UTRN: variants seen among roughly 807,000 people sequenced by gnomAD.
UTRN encodes the protein utrophin, also known as dystrophin-related protein 1.
UTRN carries 283 observed loss-of-function variants against 463.9 expected under a neutral mutation model. The ratio of observed to expected loss-of-function variants is 0.61; its 90% CI spans 0.55 to 0.67. UTRN has a LOEUF of 0.67. UTRN is among the 30% of genes least tolerant of loss of function. UTRN has a pLI of 0.00. For synonymous variants in UTRN, 1,442 were observed against 1,431.5 expected (o/e 1.01, Z -0.17); for missense variants, 3,922 against 4,084.3 (o/e 0.96, Z 1.08).
chr6:144,446,793 A>G (rs971841947), intron 14 of UTRN, among the ~76,000 whole-genome samples: 1 of 152,202 alleles, frequency 6.6e-6, no homozygotes, highest in African/African-American at 2.4e-5. Flanking sequence ...TAACTATCCA[A>G]GTGATCTGGG....
chr6:144,527,394 G>T (rs138517674), intron 41 of UTRN, among the ~76,000 whole-genome samples: 1 of 152,076 alleles, frequency 6.6e-6, no homozygotes, highest in Non-Finnish European at 1.5e-5. Flanking sequence ...TTCTTTATAG[G>T]TTACCTGATG....
chr6:144,782,000 T>A lies in UTRN; in HGVS notation c.8711T>A (p.Val2904Asp). Residue 2904 changes from valine (V) to aspartate (D), a missense_variant, in exon 61 of 75, where the codon GTT (valine) becomes GAT (aspartate). Physicochemically the swap from Val to Asp is radical, Grantham distance 152. Coordinates refer to ENST00000367545, the MANE Select transcript of UTRN (RefSeq NM_007124.3). ...KLNQNDQLLS[V>D]PDVINCLTTT... ...AACCAAAATGACCAGCTCCTCAGTG[T>A]TCCAGATGTCATCAACTGTCTGACA... The A allele has an allele frequency of 6.2e-7, 1 of 1,614,070 alleles. No homozygotes were observed. The highest frequency in any genetic ancestry group is 8.5e-7 in the Non-Finnish European group (1 of 1,179,978).
chr6:144,836,604 G>A (rs1218958278), intron 71 of UTRN, 63 bp downstream of exon 71: 2 of 1,592,504 alleles, frequency 1.3e-6, no homozygotes, highest in African/African-American at 1.3e-5. Flanking sequence ...CCTGGGAGAT[G>A]ATGGTCCAGG....
Position 144,537,730 on chromosome 6 carries a change from T to G in UTRN, c.6369+13T>G. ...GCAAGAATTAAGAGTAAGTTGTTTA[T>G]TTCTGTCTATATGCCTTTTGGTGCC... On this transcript the variant is annotated intron_variant, in intron 44 of 74. Coordinates refer to ENST00000367545, the MANE Select transcript of UTRN (RefSeq NM_007124.3). The G allele has an allele frequency of 1.2e-6, 2 of 1,606,430 alleles. No homozygotes were observed. The highest frequency in any genetic ancestry group is 1.7e-6 in the Non-Finnish European group (2 of 1,176,818).
chr6:144,564,261 T>C (rs56158631), intron 50 of UTRN, among the ~76,000 whole-genome samples: 21,134 of 152,170 alleles, frequency 0.14, 1,778 homozygotes, highest in Middle Eastern at 0.25. Flanking sequence ...GGGACTTAAC[T>C]GAGGCAAATT....
chr6:144,369,740 G>T (rs1779816052), intron 2 of UTRN, among the ~76,000 whole-genome samples: 1 of 152,354 alleles, frequency 6.6e-6, no homozygotes, highest in East Asian at 1.9e-4. Flanking sequence ...CCCACATGTT[G>T]TGGGAGGAAA....
chr6:144,728,223 C>A (rs1788115660), intron 53 of UTRN, among the ~76,000 whole-genome samples: 1 of 150,732 alleles, frequency 6.6e-6, no homozygotes, highest in African/African-American at 2.4e-5. Context: ...TGCTGGTTTT[C>A]ACTATTTTTT....
At chr6:144,515,262 C>T (rs529346076) in intron 37 of UTRN, among the ~76,000 whole-genome samples, 13 of 152,014 alleles carry the variant, frequency 8.6e-5, no homozygotes, top group Non-Finnish European at 1.5e-4. Context: ...AGCATTTGTC[C>T]GTATTTATTT....
intron 54 of UTRN, 118 bp from the exon 55 acceptor site, chr6:144,748,128 G>C: frequency 7.6e-7 from 1 of 1,315,822 alleles, no homozygotes; most frequent in Non-Finnish European, 1.0e-6. Context: ...TTACCCTGGA[G>C]TAATTTTTTC....
At chr6:144,418,284 G>A (rs1784523078) in intron 3 of UTRN, among the ~76,000 whole-genome samples, 1 of 149,986 alleles carries the variant, frequency 6.7e-6, no homozygotes, top group African/African-American at 2.5e-5. Context: ...CGTGATCTTG[G>A]CTCACTGCAA....
chr6:144,713,241 T>C (rs1312737479), intron 53 of UTRN, among the ~76,000 whole-genome samples: 3 of 152,178 alleles, frequency 2.0e-5, no homozygotes, highest in African/African-American at 7.2e-5. Flanking sequence ...AGATTTTGGA[T>C]TAGAGATACT....
intron 51 of UTRN, among the ~76,000 whole-genome samples, chr6:144,581,057 C>T (rs769259117): frequency 6.6e-6 from 1 of 152,222 alleles, no homozygotes; most frequent in South Asian, 2.1e-4. Flanking sequence ...TGCAAGTTAG[C>T]GGGAAATGTG....
intron 53 of UTRN, among the ~76,000 whole-genome samples, chr6:144,724,894 A>ATAAGAAT (rs1787687537): frequency 6.6e-6 from 1 of 152,144 alleles, no homozygotes; most frequent in Non-Finnish European, 1.5e-5. Context: ...GGCTACTATA[A>ATAAGAAT]ACATTCATGT....
intron 25 of UTRN, among the ~76,000 whole-genome samples, chr6:144,477,561 C>T (rs778350487): frequency 1.2e-4 from 18 of 151,534 alleles, no homozygotes; most frequent in Admixed American, 2.6e-4. Flanking sequence ...CACACACACA[C>T]GCACACACCC....
At chr6:144,651,215 C>A (rs1446283596) in intron 51 of UTRN, among the ~76,000 whole-genome samples, 1 of 151,932 alleles carries the variant, frequency 6.6e-6, no homozygotes, top group Non-Finnish European at 1.5e-5. Flanking sequence ...GGAACCCTCA[C>A]CTCTGAAAAA....
chr6:144,765,358 A>G (rs1474428316), intron 58 of UTRN, among the ~76,000 whole-genome samples: 1 of 152,172 alleles, frequency 6.6e-6, no homozygotes, highest in Non-Finnish European at 1.5e-5. Context: ...GCCTATTTCT[A>G]TATAGTCCTT....
At position 144,429,731 on chromosome 6, in the gene UTRN, T is replaced by G. The variant is rs1485605932; in HGVS notation, c.845T>G (p.Ile282Ser). ...AAAAAAGAATGTGAAGAAGAGGCAA[T>G]TAATATACAGGTACAGGTAACATTT... The part of the protein sequence containing the change: ...KYKKECEEEA[I>S]NIQSTAPEEE... Residue 282 changes from isoleucine (I) to serine (S), a missense_variant, in exon 9 of 75, where the codon ATT becomes AGT. Ile to Ser is a moderately radical substitution (Grantham distance 142). Transcript: ENST00000367545. 1 of 1,611,334 alleles carries G rather than the reference T, an allele frequency of 6.2e-7. No homozygotes were observed. Among genetic ancestry groups the G allele is most frequent in the Non-Finnish European group, 8.5e-7 (1 of 1,178,986 alleles).
chr6:144,653,223 C>G (rs768244454), intron 51 of UTRN, among the ~76,000 whole-genome samples: 7 of 152,154 alleles, frequency 4.6e-5, no homozygotes, highest in Admixed American at 6.5e-5. Flanking sequence ...TCACTCCCCC[C>G]CTTTTTGGCG....
Position 144,771,931 on chromosome 6 carries a change from G to A in UTRN, c.8520G>A (p.Trp2840Ter). 4 of 1,588,898 alleles carry A rather than the reference G, an allele frequency of 2.5e-6. No individual in the cohort carries two copies. The highest frequency in any genetic ancestry group is 3.4e-6 in the Non-Finnish European group (4 of 1,170,292). Residue 2840 changes from tryptophan to a stop codon, truncating the protein, a stop_gained, in exon 59 of 75, where the codon TGG (tryptophan) becomes TGA (stop). Transcript: ENST00000367545. LOFTEE classifies it high-confidence loss of function. ...GCCATCAAACACAGACCACCTGTTG[G>A]GACCATCCTAAAATGACCGAACTCT... ...YINHQTQTTC[W>*]DHPKMTELFQ...
Sources: gnomAD v4.1 joint callset for allele counts (sites outside exome capture counted in the v4.1 genomes callset) on GRCh38, gnomAD v4.1.1 for gene constraint, MANE v1.5 for transcripts, NCBI Gene and HGNC (gene_info 2026-07-23, HGNC 2026-07-21) for gene names.